VWA8: variants seen among roughly 807,000 people sequenced by gnomAD.
VWA8 encodes von Willebrand factor A domain-containing protein 8.
In VWA8, 221 loss-of-function variants were observed where a neutral mutation model predicts 241.5. That is an observed-to-expected ratio of 0.91 (90% confidence interval 0.82 to 1.02). The LOEUF (loss-of-function observed/expected upper bound fraction) is 1.02. Ranked by LOEUF, VWA8 falls within the 50% of genes least tolerant of loss-of-function variation. The pLI is 0.00. For synonymous variants in VWA8, 852 were observed against 827.1 expected, an observed-to-expected ratio of 1.03 and a Z score of -0.52; for missense variants, 2,322 against 2,328.7, an observed-to-expected ratio of 1.00 and a Z score of 0.06.
chr13:41,959,945 C>A (rs771224051), intron 1 of VWA8, among the ~76,000 whole-genome samples: 8 of 152,014 alleles, frequency 5.3e-5, no homozygotes, highest in Admixed American at 3.3e-4. Flanking sequence ...CTGGGGGTTG[C>A]GGGGAAAATG....
rs1051152360 is a variant in VWA8 at position 41,933,138 on chromosome 13, G to A, written c.241+16798C>T. Among the ~76,000 whole-genome samples the A allele has an allele frequency of 6.6e-5, 10 of 151,922 alleles. No individual in the cohort carries two copies. In the South Asian group the frequency reaches 1.2e-3, roughly 19 times the overall value. On this transcript the variant is annotated intron_variant, in intron 2 of 44. Coordinates refer to ENST00000379310, the MANE Select transcript of VWA8 (RefSeq NM_015058.2). The stretch of plus-strand genomic sequence containing the variant: ...TAGAACTAATAAGCGAGTTTTGCAC[G>A]GCCTCAAGATTCAAGATTAGTATAC...
chr13:41,643,432 A>G (rs12874342), intron 37 of VWA8, among the ~76,000 whole-genome samples: 6,183 of 152,292 alleles, frequency 0.041, 160 homozygotes, highest in South Asian at 0.078. Context: ...TACAATGCCT[A>G]GTGCATAGTA....
At position 41,868,444 on chromosome 13, in the gene VWA8, G is replaced by A. The variant is rs774607218; in HGVS notation, c.1114C>T (p.Leu372Phe). The A allele has an allele frequency of 6.1e-5, 99 of 1,613,852 alleles. No individual in the cohort carries two copies. The highest frequency in any genetic ancestry group is 8.1e-5 in the Non-Finnish European group (96 of 1,179,970). ...FELQDSGSSL[L>F]PKEIVKVEKM... The stretch of plus-strand genomic sequence containing the variant: ...TCTACTTTTACAATCTCTTTAGGAA[G>A]TAGAGAGCTTCCTGAATCTTGAAGT... Residue 372 changes from leucine to phenylalanine, a missense_variant, in exon 10 of 45, where the codon CTT (leucine) becomes TTT (phenylalanine). Leu to Phe is a conservative substitution (Grantham distance 22). Coordinates refer to ENST00000379310, the MANE Select transcript of VWA8 (RefSeq NM_015058.2).
chr13:41,838,203 A>C (rs888774125), intron 12 of VWA8, among the ~76,000 whole-genome samples: 4 of 152,124 alleles, frequency 2.6e-5, no homozygotes, highest in African/African-American at 9.7e-5. Flanking sequence ...ATCTAAGCTA[A>C]TTTTTTTGAG....
chr13:41,918,251 T>C (rs982520522), intron 2 of VWA8, among the ~76,000 whole-genome samples: 1 of 152,194 alleles, frequency 6.6e-6, no homozygotes, highest in African/African-American at 2.4e-5. Context: ...ATTTATAAAG[T>C]GGGCTGATGT....
chr13:41,578,197 T>C (rs1435116729), intron 42 of VWA8, among the ~76,000 whole-genome samples: 1 of 152,164 alleles, frequency 6.6e-6, no homozygotes, highest in Non-Finnish European at 1.5e-5. Flanking sequence ...TCTCATCTCT[T>C]ATTTGGGTAA....
chr13:41,670,437 T>C (rs2045014238), intron 37 of VWA8, among the ~76,000 whole-genome samples: 2 of 152,014 alleles, frequency 1.3e-5, no homozygotes, highest in African/African-American at 4.8e-5. Flanking sequence ...TACTTATTGT[T>C]GACTACTAAA....
At chr13:41,724,355 G>C (rs1303316918) in intron 24 of VWA8, among the ~76,000 whole-genome samples, 1 of 152,096 alleles carries the variant, frequency 6.6e-6, no homozygotes, top group Non-Finnish European at 1.5e-5. Context: ...CGCAAAAAGA[G>C]TAAGATTAAG....
At position 41,568,244 on chromosome 13, in the gene VWA8, G is replaced by C. The variant is rs1455449798; in HGVS notation, c.5671C>G (p.Gln1891Glu). The C allele has an allele frequency of 6.2e-7, 1 of 1,614,096 alleles. No homozygotes were observed. The highest frequency in any genetic ancestry group is 2.2e-5 in the East Asian group (1 of 44,872). Residue 1891 changes from glutamine to glutamate, a missense_variant, in exon 45 of 45, where the codon CAG becomes GAG. Gln to Glu is a conservative substitution (Grantham distance 29, BLOSUM62 2). Coordinates refer to ENST00000379310, the MANE Select transcript of VWA8 (RefSeq NM_015058.2). Reference sequence around the variant, plus strand: ...GAGGTGAAGATCTGTTGTAAAATCTGAGGGATATCCTTGGTATCCATGGCA... The same window carrying C: ...GAGGTGAAGATCTGTTGTAAAATCTCAGGGATATCCTTGGTATCCATGGCA... ...FVAMDTKDIPQILQQIFTSTM... is the reference protein window; with the variant it reads ...FVAMDTKDIPEILQQIFTSTM...
intron 12 of VWA8, among the ~76,000 whole-genome samples, chr13:41,843,855 C>T (rs1872168637): frequency 1.3e-5 from 2 of 152,110 alleles, no homozygotes; most frequent in South Asian, 4.2e-4. Context: ...AAAAAACTTA[C>T]CAAAAAAACA....
At chr13:41,725,889 T>G (rs9590634) in intron 24 of VWA8, among the ~76,000 whole-genome samples, 45,847 of 152,092 alleles carry the variant, frequency 0.3, 7,328 homozygotes, top group Non-Finnish European at 0.35. Context: ...TTTTAAGGTA[T>G]TATCTGCACA....
intron 18 of VWA8, among the ~76,000 whole-genome samples, chr13:41,784,735 C>CATATATAT (rs1456529929): frequency 2.1e-5 from 1 of 47,662 alleles, no homozygotes; most frequent in Non-Finnish European, 5.1e-5. Context: ...TATATACACA[C>CATATATAT]ACATATATAT....
intron 21 of VWA8, among the ~76,000 whole-genome samples, chr13:41,742,996 T>C (rs994069977): frequency 3.9e-5 from 6 of 152,186 alleles, no homozygotes; most frequent in African/African-American, 1.4e-4. Flanking sequence ...GAAGATAAAG[T>C]ATGAGTTTTC....
At chr13:41,877,584 A>G (rs1206705505) in intron 9 of VWA8, among the ~76,000 whole-genome samples, 3 of 152,096 alleles carry the variant, frequency 2.0e-5, no homozygotes, top group Admixed American at 2.0e-4. Flanking sequence ...TGAACTAAAT[A>G]AAAATACTAA....
intron 12 of VWA8, among the ~76,000 whole-genome samples, chr13:41,853,814 T>C (rs966624828): frequency 4.6e-5 from 7 of 152,186 alleles, no homozygotes; most frequent in Non-Finnish European, 8.8e-5. Flanking sequence ...ACACGGATCT[T>C]TTCTGTGGTT....
chr13:41,609,177 G>A (rs1444632856), intron 39 of VWA8, among the ~76,000 whole-genome samples: 3 of 152,156 alleles, frequency 2.0e-5, no homozygotes, highest in African/African-American at 7.2e-5. Context: ...ACAGTCAGAG[G>A]AGAGACAACC....
chr13:41,604,449 T>C (rs1046119782), intron 40 of VWA8, among the ~76,000 whole-genome samples: 1 of 152,132 alleles, frequency 6.6e-6, no homozygotes, highest in African/African-American at 2.4e-5. Flanking sequence ...ATTAGATCTT[T>C]TGAAAAAATA....
chr13:41,907,021 C>T (rs1425666874), intron 4 of VWA8, among the ~76,000 whole-genome samples: 1 of 151,930 alleles, frequency 6.6e-6, no homozygotes, highest in Non-Finnish European at 1.5e-5. Flanking sequence ...TAGGCTCTAT[C>T]CTTTTTCTAT....
intron 17 of VWA8, among the ~76,000 whole-genome samples, chr13:41,797,519 T>C (rs1869761177): frequency 1.3e-5 from 2 of 152,150 alleles, no homozygotes; most frequent in South Asian, 4.1e-4. Context: ...GATCTGTCAG[T>C]TTCTGAAAAA....
Sources: gnomAD v4.1 joint callset for allele counts (sites outside exome capture counted in the v4.1 genomes callset) on GRCh38, gnomAD v4.1.1 for gene constraint, MANE v1.5 for transcripts, NCBI Gene and HGNC (gene_info 2026-07-23, HGNC 2026-07-21) for gene names.